The following LYRM7 variants were observed in gnomAD, a reference collection of about 807,000 sequenced individuals.
The protein encoded by LYRM7 is complex III assembly factor LYRM7.
In LYRM7, 9 loss-of-function variants were observed where a neutral mutation model predicts 15.8. That is an observed-to-expected ratio of 0.57 (90% confidence interval 0.34 to 0.99). The LOEUF is 0.99. Among genes scored for constraint, LYRM7 ranks in the 50% least tolerant of loss-of-function variants. LYRM7 has a pLI of 0.02. For synonymous variants in LYRM7, 39 were observed against 39.4 expected (o/e 0.99, Z 0.04); for missense variants, 115 against 119.1 (o/e 0.97, Z 0.16).
chr5:131,202,162 A>C lies in LYRM7; in HGVS notation c.*2561A>C, dbSNP rs1395735769. ...TCTTATAATCATATATTTATATTTC[A>C]AATGGATTTTAACTGGTTATTTAAT... On this transcript the variant is annotated 3_prime_UTR_variant, in exon 5 of 5. Coordinates refer to ENST00000379380, the MANE Select transcript of LYRM7 (RefSeq NM_181705.4). 1 of 152,002 alleles carries C rather than the reference A, an allele frequency of 6.6e-6. No individual in the cohort carries two copies. The highest frequency in any genetic ancestry group is 1.5e-5 in the Non-Finnish European group (1 of 67,976). 9.4% of individuals were successfully genotyped at this position (152,002 alleles called of 1,614,324 possible).
rs909888327 is a variant in LYRM7, at chr5:131,182,276, A to C, written c.139A>C (p.Thr47Pro). The C allele has an allele frequency of 2.8e-6, 4 of 1,426,592 alleles. No individual in the cohort carries two copies. The African/African-American group carries it at 5.7e-5, about 21-fold the overall frequency. The allele number at this position is 1,426,592 out of a possible 1,614,324, so 88.4% of individuals were successfully genotyped here. The change falls in exon 3 of 5, where the codon ACT (threonine) becomes CCT (proline). Residue 47 changes from threonine to proline, a missense_variant. Thr to Pro is a conservative substitution (Grantham distance 38). Transcript: ENST00000379380. The part of the protein sequence containing the change: ...NEEFKNNKSE[T>P]SSKKIEELMK... ...AGAATTCAAAAATAATAAAAGTGAA[A>C]CTTCTTCTAAGAAAATAGAAGAGGT...
intron 4 of LYRM7, among the ~76,000 whole-genome samples, chr5:131,198,510 G>A (rs1262147809): frequency 2.6e-5 from 4 of 152,060 alleles, no homozygotes; most frequent in African/African-American, 9.7e-5. Context: ...AGCTCATCTA[G>A]GTTCAGCTCT....
At chr5:131,172,510 G>T (rs922785548) in intron 1 of LYRM7, among the ~76,000 whole-genome samples, 1 of 152,156 alleles carries the variant, frequency 6.6e-6, no homozygotes. Flanking sequence ...TTCTAGAAAA[G>T]GCAACTAGCA....
intron 4 of LYRM7, among the ~76,000 whole-genome samples, chr5:131,191,136 A>G (rs1755879854): frequency 1.3e-5 from 2 of 151,782 alleles, no homozygotes; most frequent in Non-Finnish European, 2.9e-5. Flanking sequence ...TGCCTTAATA[A>G]TAGCCTCATT....
intron 4 of LYRM7, among the ~76,000 whole-genome samples, chr5:131,188,376 C>T (rs1755831108): frequency 6.8e-6 from 1 of 148,110 alleles, no homozygotes. Flanking sequence ...AAATGAAATA[C>T]CCATGTAACC....
chr5:131,180,260 G>C, intron 2 of LYRM7, 93 bp downstream of exon 2: 2 of 752,868 alleles, frequency 2.7e-6, no homozygotes, highest in Non-Finnish European at 4.5e-6. Flanking sequence ...ACCCATTTTA[G>C]GGAATGACCT....
chr5:131,187,148 G>A (rs1352458527), intron 4 of LYRM7, 39 bp downstream of exon 4: 4 of 1,126,850 alleles, frequency 3.5e-6, no homozygotes, highest in African/African-American at 1.6e-5. Flanking sequence ...TAACTGCAAT[G>A]TGTTTTAAAA....
chr5:131,179,959 A>T, intron 1 of LYRM7, 136 bp from the exon 2 acceptor site: 1 of 579,734 alleles, frequency 1.7e-6, no homozygotes, highest in Middle Eastern at 2.9e-4. Context: ...TTTTTTGTAG[A>T]GATGGGGGTC....
rs1319282080 is a variant in LYRM7, at chr5:131,186,998, C to T, written c.163-30C>T. The T allele has an allele frequency of 3.2e-6, 4 of 1,244,014 alleles. No homozygotes were observed. The South Asian group carries it at 3.9e-5, about 12-fold the overall frequency. 77.1% of individuals were successfully genotyped at this position (1,244,014 alleles called of 1,614,324 possible). A position where few individuals can be genotyped will look rare whatever the true frequency, so the allele number is the denominator to read the frequency against. On this transcript the variant is annotated intron_variant, in intron 3 of 4. Transcript: ENST00000379380. ...ACATTCATATGAAACACCTAAAGGA[C>T]TTACTCTATTTGTTTGGTTTTCTTA...
chr5:131,185,499 C>T (rs1755783889), intron 3 of LYRM7, among the ~76,000 whole-genome samples: 1 of 152,208 alleles, frequency 6.6e-6, no homozygotes, highest in African/African-American at 2.4e-5. Context: ...TTTACCCATG[C>T]ATGATTTTGT....
intron 4 of LYRM7, among the ~76,000 whole-genome samples, chr5:131,191,547 T>G (rs1384891318): frequency 6.6e-6 from 1 of 152,186 alleles, no homozygotes; most frequent in Non-Finnish European, 1.5e-5. Context: ...CAGGAACTCT[T>G]TATCTTAAAT....
intron 4 of LYRM7, among the ~76,000 whole-genome samples, chr5:131,198,957 A>G (rs1756015198): frequency 6.6e-6 from 1 of 152,030 alleles, no homozygotes. Context: ...GTTTTATGAT[A>G]TTTCTCAATG....
At chr5:131,175,219 G>A (rs1239292394) in intron 1 of LYRM7, among the ~76,000 whole-genome samples, 1 of 134,288 alleles carries the variant, frequency 7.4e-6, no homozygotes, top group Non-Finnish European at 1.5e-5. Flanking sequence ...TTTTTTTGGT[G>A]ATGGAGTTTC....
chr5:131,173,663 C>G (rs565831415), intron 1 of LYRM7, among the ~76,000 whole-genome samples: 4 of 152,306 alleles, frequency 2.6e-5, no homozygotes, highest in African/African-American at 4.8e-5. Flanking sequence ...GCAGCAGAAT[C>G]CCTTGAACCC....
At chr5:131,178,668 T>A (rs1455875915) in intron 1 of LYRM7, among the ~76,000 whole-genome samples, 1 of 152,054 alleles carries the variant, frequency 6.6e-6, no homozygotes, top group Admixed American at 6.6e-5. Context: ...TTTTATGAAA[T>A]AGCAATTAAA....
intron 1 of LYRM7, 148 bp downstream of exon 1, chr5:131,171,186 A>G (rs567131066): frequency 2.5e-6 from 2 of 791,240 alleles, no homozygotes; most frequent in South Asian, 4.8e-5. Context: ...CAGATGACCA[A>G]CTCCTAGGGG....
In LYRM7 at chr5:131,203,928, T is replaced by G. The variant is rs1386032775; in HGVS notation, c.*4327T>G. 1 of 152,164 alleles carries G rather than the reference T, an allele frequency of 6.6e-6. No individual in the cohort carries two copies. The highest frequency in any genetic ancestry group is 1.5e-5 in the Non-Finnish European group (1 of 68,030). The allele number at this position is 152,164 out of a possible 1,614,324, so 9.4% of individuals were successfully genotyped here. On this transcript the variant is annotated 3_prime_UTR_variant, in exon 5 of 5. Coordinates refer to ENST00000379380, the MANE Select transcript of LYRM7 (RefSeq NM_181705.4). Reference sequence around the variant, plus strand: ...AAGAAATTCACAAAAGAAGAAATACTAAGTCTCTAGTGATGAGAGAAATGT... The same window carrying G: ...AAGAAATTCACAAAAGAAGAAATACGAAGTCTCTAGTGATGAGAGAAATGT...
chr5:131,180,200 C>T, intron 2 of LYRM7, 33 bp downstream of exon 2: 2 of 1,499,776 alleles, frequency 1.3e-6, no homozygotes, highest in Non-Finnish European at 1.9e-6. Flanking sequence ...TGGAGCCAGT[C>T]TACTTTTTAG....
At chr5:131,186,889 C>T (rs547836999) in intron 3 of LYRM7, 139 bp from the exon 4 acceptor site, 6 of 585,346 alleles carry the variant, frequency 1.0e-5, no homozygotes, top group Admixed American at 6.9e-5. Context: ...CAGTTGACCA[C>T]GGATAACTGA....
Sources: gnomAD v4.1 joint callset for allele counts (sites outside exome capture counted in the v4.1 genomes callset) on GRCh38, gnomAD v4.1.1 for gene constraint, MANE v1.5 for transcripts, NCBI Gene and HGNC (gene_info 2026-07-23, HGNC 2026-07-21) for gene names.